PKM: variants seen among roughly 807,000 people sequenced by gnomAD.
PKM encodes pyruvate kinase M1/2.
A neutral mutation model predicts 49.8 loss-of-function variants in PKM; 18 were observed. The observed-to-expected ratio is 0.36, with a 90% CI of 0.25 to 0.54. The LOEUF (loss-of-function observed/expected upper bound fraction) is 0.54. Among genes scored for constraint, PKM ranks in the 20% least tolerant of loss-of-function variants. The pLI is 0.89. For synonymous variants in PKM, 239 were observed against 261.8 expected, an observed-to-expected ratio of 0.91 and a Z score of 0.84; for missense variants, 508 against 713.8, an observed-to-expected ratio of 0.71 and a Z score of 3.28.
chr15:72,203,723 G>A (rs575414088), intron 8 of PKM: 2 of 161,378 alleles, frequency 1.2e-5, no homozygotes, highest in Admixed American at 5.9e-5. Flanking sequence ...GCGCTGGAAA[G>A]CTGGGATCAA....
chr15:72,203,008 C>T, intron 8 of PKM: 1 of 1,613,398 alleles, frequency 6.2e-7, no homozygotes, highest in Middle Eastern at 1.7e-4. Flanking sequence ...TGTTACCTGC[C>T]CTTAGGGCCC....
chr15:72,213,628 ACCATGTTGG>A (rs2082308824), intron 3 of PKM, among the ~76,000 whole-genome samples: 1 of 152,136 alleles, frequency 6.6e-6, no homozygotes, highest in South Asian at 2.1e-4. Flanking sequence ...ACAGGGTTTC[ACCATGTTGG>A]CCAGGCTGGT....
rs752224534 is a variant in PKM, at chr15:72,203,235, GA to G, written c.1141-616del. On this transcript the variant is annotated intron_variant, in intron 8 of 10. Transcript: ENST00000335181. The stretch of plus-strand genomic sequence containing the variant: ...GGGGCAAGGAAGAGGGAAGGAGGAG[GA>G]AAAAAACGAGACACAACACATGGGA... The G allele has an allele frequency of 7.2e-6, 11 of 1,528,730 alleles. 1 individual carries two copies. Among genetic ancestry groups the G allele is most frequent in the South Asian group, 3.4e-5 (3 of 88,878 alleles). 94.7% of individuals were successfully genotyped at this position (1,528,730 alleles called of 1,614,324 possible). A position where few individuals can be genotyped will look rare whatever the true frequency, so the allele number is the denominator to read the frequency against.
rs1359574859 is a variant in PKM at position 72,199,392 on chromosome 15, G to A, written c.*258C>T. 1 of 667,492 alleles carries A rather than the reference G, an allele frequency of 1.5e-6. No individual in the cohort carries two copies. Among genetic ancestry groups the A allele is most frequent in the Non-Finnish European group, 2.8e-6 (1 of 362,886 alleles). 41.3% of individuals were successfully genotyped at this position (667,492 alleles called of 1,614,324 possible). On this transcript the variant is annotated 3_prime_UTR_variant, in exon 11 of 11. Coordinates refer to ENST00000335181, the MANE Select transcript of PKM (RefSeq NM_002654.6). The stretch of plus-strand genomic sequence containing the variant: ...TCACCCTCTTGCCATCTGGCTCCAG[G>A]GGCCTCCAGTCCAGCATTCCTCCTT...
chr15:72,224,859 A>G (rs972262441), intron 1 of PKM, among the ~76,000 whole-genome samples: 3 of 150,976 alleles, frequency 2.0e-5, no homozygotes, highest in African/African-American at 4.9e-5. Flanking sequence ...CTGTCTCAGA[A>G]AAAAAGGAAA....
chr15:72,221,405 T>C (rs2082519024), intron 1 of PKM: 1 of 582,330 alleles, frequency 1.7e-6, no homozygotes, highest in Non-Finnish European at 3.0e-6. Flanking sequence ...GTTATGTCTC[T>C]TTAAACCTGT....
intron 5 of PKM, among the ~76,000 whole-genome samples, chr15:72,209,306 T>C (rs1407832987): frequency 1.3e-5 from 2 of 149,964 alleles, no homozygotes; most frequent in Middle Eastern, 6.3e-3. Flanking sequence ...GAGGCAGAGG[T>C]TGCAGTGAGC....
chr15:72,224,654 A>T (rs1404790471), intron 1 of PKM, among the ~76,000 whole-genome samples: 1 of 152,116 alleles, frequency 6.6e-6, no homozygotes, highest in African/African-American at 2.4e-5. Context: ...CTTGAGGCTA[A>T]GAGTTCGAGA....
chr15:72,202,181 G>A lies in PKM; in HGVS notation c.1307+273C>T, dbSNP rs529860744. The A allele has an allele frequency of 7.8e-6, 4 of 510,264 alleles. No homozygotes were observed. In the South Asian group the frequency reaches 9.5e-5, roughly 12 times the overall value. The allele number at this position is 510,264 out of a possible 1,614,324, so 31.6% of individuals were successfully genotyped here. On this transcript the variant is annotated intron_variant, in intron 9 of 10. Coordinates refer to ENST00000335181, the MANE Select transcript of PKM (RefSeq NM_002654.6). The surrounding 1 kb of genome is among the most constrained non-coding windows in gnomAD (Gnocchi z 4.5). ...AATTTTCAATATCAAATAACCATTT[G>A]TAGTCAGCCTGTGCACTGTTATGTA...
chr15:72,218,743 C>T (rs992024748), intron 2 of PKM, among the ~76,000 whole-genome samples: 1 of 152,290 alleles, frequency 6.6e-6, no homozygotes, highest in Non-Finnish European at 1.5e-5. Flanking sequence ...ATGTCTAATA[C>T]TCTCTTATTA....
chr15:72,216,924 T>C (rs1158659813), intron 3 of PKM, among the ~76,000 whole-genome samples: 1 of 152,194 alleles, frequency 6.6e-6, no homozygotes, highest in African/African-American at 2.4e-5. Context: ...CCCCAGATAG[T>C]GCTTATGCAT....
Position 72,203,154 on chromosome 15 carries a change from C to T in PKM, c.1141-534G>A, listed in dbSNP as rs191520472. On this transcript the variant is annotated intron_variant, in intron 8 of 10. Transcript: ENST00000335181. ...TCGCACAAGTTCTTCAAACAGCTTG[C>T]GGTGGAACATGGCTGCCTCAGCCTC... 1.7e-5 allele frequency: 27 copies of T among 1,613,824 alleles called. 1 individual carries two copies. Among genetic ancestry groups the T allele is most frequent in the Middle Eastern group, 1.7e-4 (1 of 5,964 alleles).
chr15:72,221,395 G>T (rs558842005), intron 1 of PKM: 57 of 608,574 alleles, frequency 9.4e-5, no homozygotes, highest in Non-Finnish European at 1.3e-4. Flanking sequence ...AGATTCCACT[G>T]TTATGTCTCT....
intron 1 of PKM, among the ~76,000 whole-genome samples, chr15:72,224,072 A>G (rs189169698): frequency 1.3e-5 from 2 of 152,320 alleles, no homozygotes; most frequent in East Asian, 3.9e-4. Flanking sequence ...AGACCACTCA[A>G]CTTCAGGTGA....
chr15:72,230,708 TAAG>T (rs972050604), intron 1 of PKM, among the ~76,000 whole-genome samples: 1 of 151,408 alleles, frequency 6.6e-6, no homozygotes, highest in Non-Finnish European at 1.5e-5. Flanking sequence ...GGACCAGACT[TAAG>T]GAGGAAGAGG....
Position 72,219,053 on chromosome 15 carries a change from G to A in PKM, c.45C>T (p.Thr15=). ...HSEAGTAFIQ[T]QQLHAAMADT... is the part of the protein sequence containing the mutation. Reference sequence around the variant, plus strand: ...CAGCCATGGCTGCGTGCAGCTGCTGGGTCTGAATGAAGGCAGTCCCGGCTT... The same window carrying A: ...CAGCCATGGCTGCGTGCAGCTGCTGAGTCTGAATGAAGGCAGTCCCGGCTT... Residue 15 remains threonine, a synonymous_variant, in exon 2 of 11, where the codon ACC becomes ACT. Coordinates refer to ENST00000335181, the MANE Select transcript of PKM (RefSeq NM_002654.6). 6.2e-7 allele frequency: 1 copy of A among 1,614,152 alleles called. No individual in the cohort carries two copies. Among genetic ancestry groups the A allele is most frequent in the South Asian group, 1.1e-5 (1 of 91,088 alleles).
At position 72,209,819 on chromosome 15, in the gene PKM, A is replaced by G. The variant is rs2082201849; in HGVS notation, c.419T>C (p.Leu140Pro). ...GTAGGCGTTATCCAGCGTGATTTTG[A>G]GAGTGGCTCCCTTCTTCAGCTCCAC... ...AEVELKKGAT[L>P]KITLDNAYME... Residue 140 changes from leucine (L) to proline (P), a missense_variant, in exon 5 of 11, where the codon CTC becomes CCC. Physicochemically the swap from Leu to Pro is moderately conservative, Grantham distance 98 (BLOSUM62 -3). Coordinates refer to ENST00000335181, the MANE Select transcript of PKM (RefSeq NM_002654.6). 1 of 1,613,922 alleles carries G rather than the reference A, an allele frequency of 6.2e-7. No homozygotes were observed. Among genetic ancestry groups the G allele is most frequent in the South Asian group, 1.1e-5 (1 of 91,092 alleles).
chr15:72,211,645 C>T (rs1347874947), intron 3 of PKM, among the ~76,000 whole-genome samples: 3 of 151,818 alleles, frequency 2.0e-5, no homozygotes, highest in Admixed American at 6.6e-5. Context: ...GGCGAAACCT[C>T]GTCTCTACAA....
intron 3 of PKM, among the ~76,000 whole-genome samples, chr15:72,215,809 G>A (rs1262492249): frequency 1.3e-5 from 2 of 152,006 alleles, no homozygotes; most frequent in East Asian, 1.9e-4. Flanking sequence ...GATCAACAGC[G>A]AACAGACCTC....
Sources: gnomAD v4.1 joint callset for allele counts (sites outside exome capture counted in the v4.1 genomes callset) on GRCh38, gnomAD v4.1.1 for gene constraint, Gnocchi (gnomAD v3.1) non-coding constraint, MANE v1.5 for transcripts, NCBI Gene and HGNC (gene_info 2026-07-23, HGNC 2026-07-21) for gene names.